The following COL24A1 variants were observed in gnomAD, a reference collection of about 807,000 sequenced individuals.
COL24A1 encodes the protein collagen alpha-1(XXIV) chain.
Under a neutral mutation model 253.9 loss-of-function variants are expected in COL24A1, and 224 were observed. The observed-to-expected ratio is 0.88, with a 90% CI of 0.79 to 0.99. The LOEUF (loss-of-function observed/expected upper bound fraction) is 0.99, where lower values mean the gene tolerates loss of function less well. COL24A1 is among the 50% of genes least tolerant of loss of function. The pLI, the probability that COL24A1 is intolerant of heterozygous loss-of-function variation, is 0.00. For synonymous variants in COL24A1, 685 were observed against 673.7 expected (o/e 1.02, Z -0.26); for missense variants, 2,131 against 2,068.5 (o/e 1.03, Z -0.59).
intron 12 of COL24A1, among the ~76,000 whole-genome samples, chr1:86,034,766 T>C (rs1326322890): frequency 1.3e-5 from 2 of 152,130 alleles, no homozygotes; most frequent in East Asian, 3.8e-4. Flanking sequence ...ATAAATTCTA[T>C]TGTAAAATAA....
At chr1:85,842,657 G>T (rs991884099) in intron 39 of COL24A1, among the ~76,000 whole-genome samples, 1 of 151,872 alleles carries the variant, frequency 6.6e-6, no homozygotes, top group African/African-American at 2.4e-5. Flanking sequence ...ACTTTCAGTT[G>T]TCAGAATCCT....
intron 23 of COL24A1, among the ~76,000 whole-genome samples, chr1:85,963,089 C>G (rs1365618957): frequency 6.6e-6 from 1 of 152,064 alleles, no homozygotes; most frequent in East Asian, 1.9e-4. Context: ...TTTTCACTAT[C>G]TAATGTGGCT....
At position 85,875,257 on chromosome 1, in the gene COL24A1, T is replaced by C. The variant is rs561555619; in HGVS notation, c.3084+20A>G. ...AATGGTGAAAGTTTAGAGATTCTCC[T>C]TTATTTTTTAGAAGGTTACCTTTGC... On this transcript the variant is annotated intron_variant, in intron 34 of 59. Coordinates refer to ENST00000370571, the MANE Select transcript of COL24A1 (RefSeq NM_152890.7). 6.2e-7 allele frequency: 1 copy of C among 1,609,862 alleles called. No individual in the cohort carries two copies. Among genetic ancestry groups the C allele is most frequent in the East Asian group, 2.2e-5 (1 of 44,854 alleles).
In COL24A1 at chr1:85,889,075, T is replaced by A. The variant is rs575964181; in HGVS notation, c.2976+485A>T. On this transcript the variant is annotated intron_variant, in intron 32 of 59. Transcript: ENST00000370571. ...AATTGAATCATATTTATGAAACTATTTCATAATGATTTCATAAGTTTTTGT... is the reference window on the plus strand; with the variant it reads ...AATTGAATCATATTTATGAAACTATATCATAATGATTTCATAAGTTTTTGT... 1.5e-4 allele frequency among the ~76,000 whole-genome samples: 23 copies of A among 152,230 alleles called. No homozygotes were observed. The South Asian group carries it at 4.8e-3, about 32-fold the overall frequency.
At position 86,033,938 on chromosome 1, in the gene COL24A1, G is replaced by A; in HGVS notation, c.1951-15C>T. On this transcript the variant is annotated splice_polypyrimidine_tract_variant and intron_variant, in intron 12 of 59. Transcript: ENST00000370571. Reference sequence around the variant, plus strand: ...CCTGGAAAACCCTGTCACAGGGAAAGAGGAAGAATGCCAACATATATAAAT... The same window carrying A: ...CCTGGAAAACCCTGTCACAGGGAAAAAGGAAGAATGCCAACATATATAAAT... 2 of 1,584,118 alleles carry A rather than the reference G, an allele frequency of 1.3e-6. No homozygotes were observed. Among genetic ancestry groups the A allele is most frequent in the Non-Finnish European group, 1.7e-6 (2 of 1,168,428 alleles).
chr1:85,826,986 G>A (rs1179701653), intron 43 of COL24A1, among the ~76,000 whole-genome samples: 1 of 151,746 alleles, frequency 6.6e-6, no homozygotes, highest in Non-Finnish European at 1.5e-5. Context: ...GTGAGAGAGG[G>A]CATCCCTGTC....
rs1571027429 is a variant in COL24A1, at chr1:85,875,318, T to C, written c.3043A>G (p.Thr1015Ala). 6.2e-6 allele frequency: 10 copies of C among 1,613,436 alleles called. No homozygotes were observed. The highest frequency in any genetic ancestry group is 8.5e-6 in the Non-Finnish European group (10 of 1,179,568). ...CCTTGCAGACCAGACTCTCCCTCAG[T>C]GCCTGGAGGTCCCTACAAGAGAATA... ...GEMGMEGPPG[T>A]EGESGLQGEP... Residue 1015 changes from threonine to alanine, a missense_variant, in exon 34 of 60, where the codon ACT becomes GCT. Coordinates refer to ENST00000370571, the MANE Select transcript of COL24A1 (RefSeq NM_152890.7).
At chr1:85,824,561 G>A (rs1570766574) in intron 43 of COL24A1, among the ~76,000 whole-genome samples, 1 of 152,200 alleles carries the variant, frequency 6.6e-6, no homozygotes, top group East Asian at 1.9e-4. Context: ...AAGACTGGGA[G>A]CAGTTACTGG....
intron 22 of COL24A1, among the ~76,000 whole-genome samples, chr1:85,966,796 A>T (rs34295341): frequency 1.3e-5 from 2 of 152,112 alleles, no homozygotes; most frequent in Non-Finnish European, 2.9e-5. Context: ...GGTGGGAACA[A>T]ATGTGGTTTA....
chr1:85,973,935 T>C (rs1043192269), intron 20 of COL24A1, among the ~76,000 whole-genome samples: 2 of 152,190 alleles, frequency 1.3e-5, no homozygotes, highest in African/African-American at 4.8e-5. Context: ...AAAGAGCTGA[T>C]GTAATTACAT....
chr1:86,103,970 AAT>A (rs1296347490), intron 5 of COL24A1, among the ~76,000 whole-genome samples: 1 of 152,154 alleles, frequency 6.6e-6, no homozygotes, highest in African/African-American at 2.4e-5. Context: ...GATATCCTGA[AAT>A]ATGTTTTTCA....
intron 48 of COL24A1, among the ~76,000 whole-genome samples, chr1:85,785,549 T>C (rs1669592039): frequency 2.6e-5 from 4 of 152,342 alleles, no homozygotes; most frequent in South Asian, 4.1e-4. Context: ...CTTTACTTCT[T>C]TTCCTGGCTT....
At chr1:85,813,300 G>A (rs1672728335) in intron 47 of COL24A1, among the ~76,000 whole-genome samples, 1 of 151,742 alleles carries the variant, frequency 6.6e-6, no homozygotes, top group Non-Finnish European at 1.5e-5. Flanking sequence ...ATAAAAAGAA[G>A]TCAGCCTAAG....
rs1558566204 is a variant in COL24A1 at position 85,895,840 on chromosome 1, A to AT, written c.2922+17dup. The AT allele has an allele frequency of 3.8e-6, 6 of 1,599,498 alleles. No homozygotes were observed. ...GCAGATAAAAATTTTTCATAGCATG[A>AT]TTTTTTAAATTACTTACTGGTTTCC... is the stretch of plus-strand genomic sequence containing the variant. On this transcript the variant is annotated intron_variant, in intron 31 of 59. Transcript: ENST00000370571.
At chr1:85,880,190 C>T (rs1359376646) in intron 32 of COL24A1, among the ~76,000 whole-genome samples, 2 of 152,094 alleles carry the variant, frequency 1.3e-5, no homozygotes, top group African/African-American at 4.8e-5. Context: ...TCTTTAATTT[C>T]TTTGATAAAA....
At position 86,022,294 on chromosome 1, in the gene COL24A1, C is replaced by T. The variant is rs1559036400; in HGVS notation, c.2203-1G>A. The T allele has an allele frequency of 1.3e-6, 2 of 1,567,532 alleles. No individual in the cohort carries two copies. The highest frequency in any genetic ancestry group is 1.7e-6 in the Non-Finnish European group (2 of 1,165,556). On this transcript the variant is annotated splice_acceptor_variant, in intron 17 of 59. Coordinates refer to ENST00000370571, the MANE Select transcript of COL24A1 (RefSeq NM_152890.7). LOFTEE classifies it high-confidence loss of function. ...GTGGTCCTGGTAAACCAACAGCACC[C>T]TAAGAGAAGAGAATAACAGAAGAGA... is the stretch of plus-strand genomic sequence containing the variant.
At position 85,911,446 on chromosome 1, in the gene COL24A1, AAAAATAACAG is replaced by A. The variant is rs1685355614; in HGVS notation, c.2563-23_2563-14del. 6.2e-7 allele frequency: 1 copy of A among 1,608,896 alleles called. No individual in the cohort carries two copies. Among genetic ancestry groups the A allele is most frequent in the South Asian group, 1.1e-5 (1 of 90,682 alleles). ...AGCCAACAGGTCCCTTTTAGGAAAA[AAAAATAACAG>A]AAAATACACACATATTGTATTGCTA... On this transcript the variant is annotated splice_polypyrimidine_tract_variant and intron_variant, in intron 24 of 59. Transcript: ENST00000370571.
At chr1:85,794,902 A>C (rs1299085722) in intron 47 of COL24A1, among the ~76,000 whole-genome samples, 1 of 152,172 alleles carries the variant, frequency 6.6e-6, no homozygotes. Context: ...GATAGGAGCC[A>C]GTCTCCCTAC....
At position 85,825,012 on chromosome 1, in the gene COL24A1, T is replaced by C. The variant is rs975781505; in HGVS notation, c.3682-1274A>G. On this transcript the variant is annotated intron_variant, in intron 43 of 59. Transcript: ENST00000370571. ...TATGTATACATGTGCCATGCTGGTG[T>C]GCTGCACTCACTAACTTGTCATCTA... is the stretch of plus-strand genomic sequence containing the variant. 3.3e-5 allele frequency among the ~76,000 whole-genome samples: 5 copies of C among 151,798 alleles called. 1 individual carries two copies. Among genetic ancestry groups the C allele is most frequent in the South Asian group, 4.2e-4 (2 of 4,790 alleles).
Sources: allele counts gnomAD v4.1 joint callset (sites outside exome capture counted in the v4.1 genomes callset), GRCh38; gene constraint gnomAD v4.1.1; transcripts MANE v1.5; gene names NCBI Gene and HGNC (gene_info 2026-07-23, HGNC 2026-07-21).